The following VIRMA variants were observed in gnomAD, a reference collection of about 807,000 sequenced individuals.
VIRMA encodes the protein vir like m6A methyltransferase associated, also known as protein virilizer homolog.
Under a neutral mutation model 182.4 loss-of-function variants are expected in VIRMA, and 65 were observed. The observed-to-expected ratio is 0.36, with a 90% confidence interval of 0.29 to 0.44. The LOEUF is 0.44. Ranked by LOEUF, VIRMA falls within the 20% of genes least tolerant of loss-of-function variation. VIRMA has a pLI of 1.00. For missense variants in VIRMA, 1,752 were observed against 2,158.1 expected (o/e 0.81, Z 3.73); for synonymous variants, 709 against 743.1 (o/e 0.95, Z 0.75).
At chr8:94,510,812 G>T (rs1157347928) in intron 13 of VIRMA, 160 bp from the exon 14 acceptor site, 4 of 754,250 alleles carry the variant, frequency 5.3e-6, no homozygotes, top group African/African-American at 1.8e-5. Flanking sequence ...TGAATTCAAT[G>T]AGTCTAAAAA....
intron 8 of VIRMA, among the ~76,000 whole-genome samples, chr8:94,524,207 C>T (rs537430236): frequency 3.3e-5 from 5 of 152,158 alleles, no homozygotes; most frequent in Non-Finnish European, 5.9e-5. Context: ...CCATGCTGGT[C>T]AGGCTGGTCT....
intron 22 of VIRMA, 123 bp downstream of exon 22, chr8:94,491,455 G>A: frequency 2.3e-6 from 2 of 872,086 alleles, no homozygotes; most frequent in Non-Finnish European, 3.5e-6. Context: ...CTAGTCCAGA[G>A]GTGGCTCAAC....
At position 94,510,467 on chromosome 8, in the gene VIRMA, T is replaced by A; in HGVS notation, c.3576A>T (p.Ala1192=). The A allele has an allele frequency of 1.2e-6, 2 of 1,614,138 alleles. No homozygotes were observed. Among genetic ancestry groups the A allele is most frequent in the Non-Finnish European group, 1.7e-6 (2 of 1,179,996 alleles). ...CCAACACAGTTCTCATAATCAGAAGTGCAGTTGGTGAGGCAAGGTCACACA... is the reference window on the plus strand; with the variant it reads ...CCAACACAGTTCTCATAATCAGAAGAGCAGTTGGTGAGGCAAGGTCACACA... ...VQLCDLASPT[A]LLIMRTVLDL... The change falls in exon 14 of 24, where the codon GCA becomes GCT. Residue 1192 remains alanine, a synonymous_variant. Transcript: ENST00000297591.
At chr8:94,504,456 C>T (rs997164119) in intron 16 of VIRMA, among the ~76,000 whole-genome samples, 4 of 152,148 alleles carry the variant, frequency 2.6e-5, no homozygotes, top group African/African-American at 9.7e-5. Context: ...TTCAGGTCTT[C>T]ATCTTTGTTC....
intron 1 of VIRMA, among the ~76,000 whole-genome samples, chr8:94,547,665 T>C (rs1815817956): frequency 6.6e-6 from 1 of 150,752 alleles, no homozygotes. Flanking sequence ...AAAGTACTAT[T>C]AAAAAAATAA....
chr8:94,504,632 T>C (rs192490130), intron 16 of VIRMA, among the ~76,000 whole-genome samples: 1 of 152,226 alleles, frequency 6.6e-6, no homozygotes, highest in Non-Finnish European at 1.5e-5. Flanking sequence ...AGCCAAATGG[T>C]GGAAGCAAGG....
At position 94,516,106 on chromosome 8, in the gene VIRMA, C is replaced by CA. The variant is rs1375639136; in HGVS notation, c.2669-1156dup. On this transcript the variant is annotated intron_variant, in intron 10 of 23. Coordinates refer to ENST00000297591, the MANE Select transcript of VIRMA (RefSeq NM_015496.5). Reference sequence around the variant, plus strand: ...CTGGAGACGGTGCGAGACTCTGTCTCAAAAAAAATGTACATACCTACAAAA... The same window carrying CA: ...CTGGAGACGGTGCGAGACTCTGTCTCAAAAAAAAATGTACATACCTACAAAA... Among the ~76,000 whole-genome samples, 18 of 151,648 alleles carry CA rather than the reference C, an allele frequency of 1.2e-4. No homozygotes were observed. The East Asian group carries it at 2.3e-3, about 20-fold the overall frequency.
intron 16 of VIRMA, among the ~76,000 whole-genome samples, chr8:94,501,277 A>AAAAC (rs1813979384): frequency 7.0e-6 from 1 of 142,336 alleles, no homozygotes. Context: ...AAAAAAAAAA[A>AAAAC]CAACCAATAA....
intron 21 of VIRMA, among the ~76,000 whole-genome samples, chr8:94,492,143 T>C (rs1813622620): frequency 6.6e-6 from 1 of 152,130 alleles, no homozygotes. Flanking sequence ...TATTCAAACC[T>C]TCCAAAATCT....
At chr8:94,510,853 G>A (rs1814344264) in intron 13 of VIRMA, 5 of 803,280 alleles carry the variant, frequency 6.2e-6, no homozygotes, top group Admixed American at 3.0e-5. Context: ...GCAGTTAGTT[G>A]AGCAGAGTCC....
At position 94,488,605 on chromosome 8, in the gene VIRMA, G is replaced by A. The variant is rs893006447; in HGVS notation, c.*101C>T. 8.5e-6 allele frequency: 9 copies of A among 1,055,704 alleles called. No homozygotes were observed. In the African/African-American group the frequency reaches 1.1e-4, roughly 13 times the overall value. The allele number at this position is 1,055,704 out of a possible 1,614,324, so 65.4% of individuals were successfully genotyped here. Reference sequence around the variant, plus strand: ...TTCAGATAAAAATATTCTCTCAGATGTCTCCAGATAACTGCTAAGTCTAAA... The same window carrying A: ...TTCAGATAAAAATATTCTCTCAGATATCTCCAGATAACTGCTAAGTCTAAA... On this transcript the variant is annotated 3_prime_UTR_variant, in exon 24 of 24. Coordinates refer to ENST00000297591, the MANE Select transcript of VIRMA (RefSeq NM_015496.5).
chr8:94,513,528 C>G (rs1814448970), intron 11 of VIRMA, among the ~76,000 whole-genome samples: 1 of 151,514 alleles, frequency 6.6e-6, no homozygotes, highest in Non-Finnish European at 1.5e-5. Flanking sequence ...CAGGGAGACA[C>G]AGAGTGAAGT....
chr8:94,516,757 G>A (rs757706339), intron 10 of VIRMA, among the ~76,000 whole-genome samples: 1 of 152,112 alleles, frequency 6.6e-6, no homozygotes, highest in Non-Finnish European at 1.5e-5. Flanking sequence ...TTTTATAAAC[G>A]CATTCTTCAG....
chr8:94,510,683 A>G (rs1398638425), intron 13 of VIRMA, 31 bp from the exon 14 acceptor site: 1 of 1,472,416 alleles, frequency 6.8e-7, no homozygotes, highest in Non-Finnish European at 9.5e-7. Context: ...GTGTGTACGT[A>G]GATTTTTTAA....
At chr8:94,491,392 T>C (rs1335662427) in intron 22 of VIRMA, among the ~76,000 whole-genome samples, 186 bp downstream of exon 22, 5 of 152,072 alleles carry the variant, frequency 3.3e-5, no homozygotes, top group African/African-American at 9.7e-5. Context: ...GAAAGGTTCA[T>C]TGAAAAAAAG....
At chr8:94,503,502 C>T (rs945940726) in intron 16 of VIRMA, among the ~76,000 whole-genome samples, 1 of 152,008 alleles carries the variant, frequency 6.6e-6, no homozygotes, top group African/African-American at 2.4e-5. Context: ...GTGAGCAGTA[C>T]TCTCCAAAAA....
rs776189137 is a variant in VIRMA at position 94,496,473 on chromosome 8, C to A, written c.4238G>T (p.Cys1413Phe). The change falls in exon 18 of 24, where the codon TGT becomes TTT. Residue 1413 changes from cysteine (C) to phenylalanine (F), a missense_variant. This residue lies in a region of VIRMA where 777 missense variants were observed against 920.6 expected (regional missense o/e 0.84). Transcript: ENST00000297591. ...TTCCATGAGACCATTATCATCTCCA[C>A]AGCATCCCTGTAAATGTCACACATA... ...QILNSDTIGC[C>F]GDDNGLMEVE... 2.5e-6 allele frequency: 4 copies of A among 1,608,470 alleles called. No individual in the cohort carries two copies. In the Admixed American group the frequency reaches 6.8e-5, roughly 27 times the overall value.
chr8:94,494,300 T>A (rs564626043), intron 20 of VIRMA, among the ~76,000 whole-genome samples: 303 of 149,824 alleles, frequency 2.0e-3, no homozygotes, highest in African/African-American at 6.5e-3. Flanking sequence ...TAAAAAAAAA[T>A]TTTTTTTTTG....
At chr8:94,508,720 T>C (rs1814252182) in intron 15 of VIRMA, among the ~76,000 whole-genome samples, 1 of 151,888 alleles carries the variant, frequency 6.6e-6, no homozygotes, top group Non-Finnish European at 1.5e-5. Flanking sequence ...AAAAGTTCTT[T>C]CTTGACCTGA....
Sources: gnomAD v4.1 joint callset for allele counts (sites outside exome capture counted in the v4.1 genomes callset) on GRCh38, gnomAD v4.1.1 for gene constraint, gnomAD v4.1.1 regional missense constraint, MANE v1.5 for transcripts, NCBI Gene and HGNC (gene_info 2026-07-23, HGNC 2026-07-21) for gene names.